APOOL: variants seen among roughly 807,000 people sequenced by gnomAD.
APOOL encodes the protein apolipoprotein O like, also known as MICOS complex subunit MIC27.
Under a neutral mutation model 23.1 loss-of-function variants are expected in APOOL, and 12 were observed. The observed-to-expected ratio is 0.52, with a 90% confidence interval of 0.33 to 0.84. The LOEUF (loss-of-function observed/expected upper bound fraction) is 0.84, where lower values mean the gene tolerates loss of function less well. Ranked by LOEUF, APOOL falls within the 40% of genes least tolerant of loss-of-function variation. The probability of loss-of-function intolerance (pLI) is 0.02; values close to 1 mark genes in which losing one functional copy is unlikely to be tolerated. For missense variants in APOOL, 212 were observed against 199.6 expected, an observed-to-expected ratio of 1.06 and a Z score of -0.37; for synonymous variants, 77 against 69.9, an observed-to-expected ratio of 1.10 and a Z score of -0.51.
chrX:85,012,804 C>CT (rs979665824), intron 1 of APOOL, among the ~76,000 whole-genome samples: 17 of 110,739 alleles, frequency 1.5e-4, no homozygotes, highest in African/African-American at 2.9e-4. Context: ...CTGTAGTTTT[C>CT]TTTTTTTTGT....
intron 5 of APOOL, among the ~76,000 whole-genome samples, chrX:85,061,222 G>A (rs1257311953): frequency 9.0e-6 from 1 of 111,306 alleles, no homozygotes; most frequent in Non-Finnish European, 1.9e-5. Flanking sequence ...TGCATCCCAG[G>A]GATGAAGCCC....
Position 85,087,726 on chromosome X carries a change from G to T in APOOL, c.*48G>T, listed in dbSNP as rs372237755. Reference sequence around the variant, plus strand: ...CACAGAAAACTACAAGATGTGTGGCGTTGCAAATAATGATGAAAATAAATC... The same window carrying T: ...CACAGAAAACTACAAGATGTGTGGCTTTGCAAATAATGATGAAAATAAATC... On this transcript the variant is annotated 3_prime_UTR_variant, in exon 9 of 9. Coordinates refer to ENST00000373173, the MANE Select transcript of APOOL (RefSeq NM_198450.6). 1 of 1,031,101 alleles carries T rather than the reference G, an allele frequency of 9.7e-7. No individual in the cohort carries two copies. Among genetic ancestry groups the T allele is most frequent in the East Asian group, 3.4e-5 (1 of 29,818 alleles). The allele number at this position is 1,031,101 out of a possible 1,213,427, so 85.0% of individuals were successfully genotyped here. A position where few individuals can be genotyped will look rare whatever the true frequency, so the allele number is the denominator to read the frequency against.
In APOOL at chrX:85,051,277, A is replaced by T; in HGVS notation, c.121-112A>T. On this transcript the variant is annotated intron_variant, in intron 2 of 8. Coordinates refer to ENST00000373173, the MANE Select transcript of APOOL (RefSeq NM_198450.6). ...GGTTTTTTAAAAGTATTTTATCAGC[A>T]TTTTTAGTTGTTTTTAGAAAGAAGG... The T allele has an allele frequency of 3.5e-6, 3 of 846,980 alleles. No individual in the cohort carries two copies. The South Asian group carries it at 7.8e-5, about 22-fold the overall frequency. The allele number at this position is 846,980 out of a possible 1,213,427, so 69.8% of individuals were successfully genotyped here. A position where few individuals can be genotyped will look rare whatever the true frequency, so the allele number is the denominator to read the frequency against.
chrX:85,075,279 G>T (rs1289673199), intron 8 of APOOL, among the ~76,000 whole-genome samples: 1 of 110,912 alleles, frequency 9.0e-6, no homozygotes, highest in Non-Finnish European at 1.9e-5. Context: ...TGCTGGATCG[G>T]TAATTATTCC....
At chrX:85,036,618 A>G (rs1268206573) in intron 1 of APOOL, among the ~76,000 whole-genome samples, 3 of 111,659 alleles carry the variant, frequency 2.7e-5, no homozygotes, top group Non-Finnish European at 5.7e-5. Context: ...ATAGATGGCT[A>G]TTATTATTTT....
rs921669407 is a variant in APOOL at position 85,006,205 on chromosome X, T to A, written c.15+2278T>A. 2.7e-5 allele frequency among the ~76,000 whole-genome samples: 3 copies of A among 111,066 alleles called. No homozygotes were observed. In the East Asian group the frequency reaches 8.5e-4, roughly 31 times the overall value. On this transcript the variant is annotated intron_variant, in intron 1 of 8. Transcript: ENST00000373173. ...GAGGAACAACCAAGATTGTATGGGG[T>A]TAAGAAAAGAATAAGGGATGGAGAA...
At chrX:85,007,863 G>T in intron 1 of APOOL, among the ~76,000 whole-genome samples, 1 of 111,846 alleles carries the variant, frequency 8.9e-6, no homozygotes, top group Non-Finnish European at 1.9e-5. Flanking sequence ...CAGGTACTGC[G>T]CTAAGCTGTT....
intron 1 of APOOL, among the ~76,000 whole-genome samples, chrX:85,017,059 G>A (rs1921501136): frequency 8.9e-6 from 1 of 112,083 alleles, no homozygotes; most frequent in Non-Finnish European, 1.9e-5. Context: ...GGGCCATAAA[G>A]CTCCCAAGAG....
At chrX:85,034,458 G>GTT (rs11450090) in intron 1 of APOOL, among the ~76,000 whole-genome samples, 25 of 105,677 alleles carry the variant, frequency 2.4e-4, no homozygotes, top group African/African-American at 8.2e-4. Context: ...GCACCTGTTT[G>GTT]TTTTTTTTTT....
chrX:85,016,314 T>G (rs1921471567), intron 1 of APOOL, among the ~76,000 whole-genome samples: 1 of 107,218 alleles, frequency 9.3e-6, no homozygotes, highest in Admixed American at 9.9e-5. Context: ...TGATGAGGGT[T>G]GCTGGGGGAG....
intron 5 of APOOL, among the ~76,000 whole-genome samples, chrX:85,060,374 T>G (rs1923162207): frequency 9.3e-6 from 1 of 106,999 alleles, no homozygotes; most frequent in African/African-American, 3.4e-5. Flanking sequence ...CTTTTTTGGT[T>G]CCATATGAAC....
chrX:85,007,689 T>C (rs996111962), intron 1 of APOOL, among the ~76,000 whole-genome samples: 2 of 110,946 alleles, frequency 1.8e-5, no homozygotes, highest in Non-Finnish European at 3.8e-5. Context: ...TTAAGTGGAT[T>C]GGGAGGAATG....
At chrX:85,019,982 A>G (rs750932333) in intron 1 of APOOL, among the ~76,000 whole-genome samples, 1 of 111,843 alleles carries the variant, frequency 8.9e-6, no homozygotes, top group Non-Finnish European at 1.9e-5. Flanking sequence ...AGTGATGGTT[A>G]TCAAAGCCCT....
chrX:85,060,017 C>T (rs1245032383), intron 5 of APOOL, among the ~76,000 whole-genome samples: 148 of 110,782 alleles, frequency 1.3e-3, no homozygotes, highest in Non-Finnish European at 2.4e-3. Flanking sequence ...TTAGGTCTAA[C>T]ATTTAAGTCT....
At chrX:85,073,890 A>G in intron 6 of APOOL, 108 bp from the exon 7 acceptor site, 1 of 508,459 alleles carries the variant, frequency 2.0e-6, no homozygotes, top group Non-Finnish European at 3.1e-6. Context: ...TTATATCTTT[A>G]TTGATTCTGA....
intron 1 of APOOL, among the ~76,000 whole-genome samples, chrX:85,028,444 G>A (rs183064177): frequency 9.0e-6 from 1 of 111,442 alleles, no homozygotes; most frequent in Admixed American, 9.5e-5. Context: ...TGGGACACAT[G>A]AGATATTTTG....
chrX:85,047,525 G>A (rs1922615416), intron 2 of APOOL, among the ~76,000 whole-genome samples: 1 of 111,159 alleles, frequency 9.0e-6, no homozygotes, highest in South Asian at 3.8e-4. Context: ...AATCAACCAT[G>A]CTCATAAGCA....
chrX:85,053,068 CT>C (rs1233037451), intron 3 of APOOL, among the ~76,000 whole-genome samples: 2 of 111,424 alleles, frequency 1.8e-5, no homozygotes, highest in Non-Finnish European at 3.8e-5. Flanking sequence ...AAAATTATGT[CT>C]GACTCAAATT....
At chrX:85,009,610 G>A (rs1202379916) in intron 1 of APOOL, among the ~76,000 whole-genome samples, 5 of 111,095 alleles carry the variant, frequency 4.5e-5, no homozygotes, top group Middle Eastern at 4.7e-3. Context: ...TGGTGAATGA[G>A]CCTTTTACTT....
Sources: allele counts gnomAD v4.1 joint callset (sites outside exome capture counted in the v4.1 genomes callset), GRCh38; gene constraint gnomAD v4.1.1; transcripts MANE v1.5; gene names NCBI Gene and HGNC (gene_info 2026-07-23, HGNC 2026-07-21).